Variants in GRM5 observed in about 807,000 individuals in gnomAD.
GRM5 encodes the protein glutamate metabotropic receptor 5.
Under a neutral mutation model 83.1 loss-of-function variants are expected in GRM5, and 19 were observed. That is an observed-to-expected ratio of 0.23 (90% confidence interval 0.16 to 0.34). The LOEUF is 0.34. Ranked by LOEUF, GRM5 falls within the 10% of genes least tolerant of loss-of-function variation. The pLI, the probability that GRM5 is intolerant of heterozygous loss-of-function variation, is 1.00. For missense variants in GRM5, 1,160 were observed against 1,588.3 expected, an observed-to-expected ratio of 0.73 and a Z score of 4.58; for synonymous variants, 675 against 633.6, an observed-to-expected ratio of 1.07 and a Z score of -0.98.
intron 4 of GRM5, among the ~76,000 whole-genome samples, chr11:88,607,495 C>G (rs541363457): frequency 1.6e-4 from 25 of 152,320 alleles, no homozygotes; most frequent in Admixed American, 1.6e-3. Flanking sequence ...TCCCTGCACT[C>G]CAGCCTGTTT....
At chr11:88,626,293 G>A (rs544710101) in intron 4 of GRM5, among the ~76,000 whole-genome samples, 4 of 152,160 alleles carry the variant, frequency 2.6e-5, no homozygotes, top group Non-Finnish European at 4.4e-5. Context: ...TTTATATTTT[G>A]CTAGAATTTC....
At chr11:88,573,481 A>G (rs1943047836) in intron 7 of GRM5, among the ~76,000 whole-genome samples, 1 of 152,222 alleles carries the variant, frequency 6.6e-6, no homozygotes. Context: ...TGGGCTGAAC[A>G]AGAGCTCCTT....
chr11:88,716,019 A>G (rs955788263), intron 3 of GRM5, among the ~76,000 whole-genome samples: 1 of 151,990 alleles, frequency 6.6e-6, no homozygotes, highest in African/African-American at 2.4e-5. Context: ...GAATTCTATG[A>G]CTTTCTATCA....
intron 8 of GRM5, among the ~76,000 whole-genome samples, chr11:88,545,838 C>T (rs1268561699): frequency 6.6e-6 from 1 of 152,012 alleles, no homozygotes; most frequent in African/African-American, 2.4e-5. Context: ...GATGTAACTC[C>T]TCTTCTCAAA....
chr11:89,041,750 A>G (rs1212362784), intron 2 of GRM5, among the ~76,000 whole-genome samples: 4 of 152,188 alleles, frequency 2.6e-5, no homozygotes, highest in Non-Finnish European at 4.4e-5. Context: ...TTACAATTAG[A>G]GTTGCCCACT....
intron 3 of GRM5, among the ~76,000 whole-genome samples, chr11:88,831,610 T>G (rs563432513): frequency 6.6e-6 from 1 of 152,146 alleles, no homozygotes; most frequent in African/African-American, 2.4e-5. Context: ...ATCTGGGAGT[T>G]TGGCAATCGC....
Position 88,991,744 on chromosome 11 carries a change from C to G in GRM5, c.661+55468G>C, listed in dbSNP as rs1052560699. On this transcript the variant is annotated intron_variant, in intron 2 of 9. Transcript: ENST00000305447. ...ACTATGTGATCTTTGACAAACCTGACAAAAACAAGAAATGGGGAAAGGATT... is the reference window on the plus strand; with the variant it reads ...ACTATGTGATCTTTGACAAACCTGAGAAAAACAAGAAATGGGGAAAGGATT... Among the ~76,000 whole-genome samples, 8 of 152,062 alleles carry G rather than the reference C, an allele frequency of 5.3e-5. No individual in the cohort carries two copies. The South Asian group carries it at 1.0e-3, about 20-fold the overall frequency.
At chr11:88,825,492 T>C (rs1943880592) in intron 3 of GRM5, among the ~76,000 whole-genome samples, 1 of 152,172 alleles carries the variant, frequency 6.6e-6, no homozygotes, top group Non-Finnish European at 1.5e-5. Context: ...ATGAGTTATG[T>C]CTTAAATCAG....
At chr11:88,517,422 C>CA (rs1463774880) in intron 9 of GRM5, among the ~76,000 whole-genome samples, 1 of 151,618 alleles carries the variant, frequency 6.6e-6, no homozygotes, top group Non-Finnish European at 1.5e-5. Flanking sequence ...GACACAGTGG[C>CA]AAAAAAAGTT....
At chr11:89,046,370 C>A (rs1053837393) in intron 2 of GRM5, among the ~76,000 whole-genome samples, 2 of 151,834 alleles carry the variant, frequency 1.3e-5, no homozygotes, top group Non-Finnish European at 2.9e-5. Context: ...GTTTAATATA[C>A]ACATTTTTTT....
intron 2 of GRM5, among the ~76,000 whole-genome samples, chr11:88,913,293 G>A (rs1156348541): frequency 2.0e-5 from 3 of 151,982 alleles, no homozygotes; most frequent in Non-Finnish European, 4.4e-5. Flanking sequence ...ATTCTCACCC[G>A]CTCAAGATCC....
chr11:88,981,031 T>G, intron 2 of GRM5, among the ~76,000 whole-genome samples: 1 of 152,214 alleles, frequency 6.6e-6, no homozygotes, highest in Admixed American at 6.5e-5. Flanking sequence ...ATGAGTTTTT[T>G]AAAAAAATCT....
intron 2 of GRM5, among the ~76,000 whole-genome samples, chr11:88,936,107 T>C (rs1033700067): frequency 5.3e-5 from 8 of 151,730 alleles, no homozygotes; most frequent in African/African-American, 1.9e-4. Context: ...TACAGGCAGG[T>C]GTGAAAAGTG....
intron 3 of GRM5, among the ~76,000 whole-genome samples, chr11:88,740,979 T>A (rs932924517): frequency 6.6e-6 from 1 of 152,080 alleles, no homozygotes; most frequent in African/African-American, 2.4e-5. Flanking sequence ...GGTATCTTCC[T>A]GCTATGTTCA....
At chr11:88,811,327 G>T (rs561358880) in intron 3 of GRM5, among the ~76,000 whole-genome samples, 3 of 152,206 alleles carry the variant, frequency 2.0e-5, no homozygotes, top group South Asian at 4.1e-4. Flanking sequence ...TTAAAAGCGG[G>T]ATATGAAATC....
Position 88,509,224 on chromosome 11 carries a change from C to T in GRM5, c.3007G>A (p.Val1003Met), listed in dbSNP as rs1364652819. 2 of 1,526,200 alleles carry T rather than the reference C, an allele frequency of 1.3e-6. No homozygotes were observed. The highest frequency in any genetic ancestry group is 1.4e-5 in the African/African-American group (1 of 69,810). The allele number at this position is 1,526,200 out of a possible 1,614,324, so 94.5% of individuals were successfully genotyped here. The change falls in exon 10 of 10, where the codon GTG becomes ATG. Residue 1003 changes from valine (V) to methionine (M), a missense_variant. Physicochemically the swap from Val to Met is conservative, Grantham distance 21 (BLOSUM62 1). Around this residue, in one of 9 missense-constraint regions of GRM5, gnomAD observed 562 missense variants for 532.4 expected, o/e 1.06. Coordinates refer to ENST00000305447, the MANE Select transcript of GRM5 (RefSeq NM_001143831.3). The part of the protein sequence containing the change: ...PDAGPKALYD[V>M]AEAEEHFPAP... ...GGGAAGTGCTCCTCAGCCTCGGCCA[C>T]ATCATACAGCGCCTTGGGGCCGGCG...
At chr11:88,598,307 G>A (rs1228813485) in intron 5 of GRM5, among the ~76,000 whole-genome samples, 1 of 152,104 alleles carries the variant, frequency 6.6e-6, no homozygotes, top group East Asian at 1.9e-4. Flanking sequence ...GGATTCAAGT[G>A]ATGAGATTAC....
intron 3 of GRM5, among the ~76,000 whole-genome samples, chr11:88,821,321 C>T (rs1943786922): frequency 8.8e-6 from 1 of 114,050 alleles, no homozygotes. Flanking sequence ...TTCTCTGCAT[C>T]TTTGAACACT....
chr11:88,653,183 T>G lies in GRM5; in HGVS notation c.1132A>C (p.Asn378His). 1 of 1,595,136 alleles carries G rather than the reference T, an allele frequency of 6.3e-7. No individual in the cohort carries two copies. Among genetic ancestry groups the G allele is most frequent in the Non-Finnish European group, 8.6e-7 (1 of 1,163,128 alleles). The change falls in exon 4 of 10, where the codon AAC becomes CAC. Residue 378 changes from asparagine to histidine, a missense_variant. This residue lies in a region of GRM5 where 132 missense variants were observed against 197.6 expected (regional missense o/e 0.67). Transcript: ENST00000305447. ...ATCTGCTTACTATTGCAAGTCTTGT[T>G]GTATTTGCTGTTCTCCTGTGGAAAC... ...EGFPQENSKY[N>H]KTCNSSLTLK... is the part of the protein sequence containing the mutation.
Sources: gnomAD v4.1 joint callset for allele counts (sites outside exome capture counted in the v4.1 genomes callset) on GRCh38, gnomAD v4.1.1 for gene constraint, gnomAD v4.1.1 regional missense constraint, MANE v1.5 for transcripts, NCBI Gene and HGNC (gene_info 2026-07-23, HGNC 2026-07-21) for gene names.